CAMK2D: variants seen among roughly 807,000 people sequenced by gnomAD.
CAMK2D encodes the protein calcium/calmodulin dependent protein kinase II delta.
In CAMK2D, 37 loss-of-function variants were observed where a neutral mutation model predicts 84.0. The observed-to-expected ratio is 0.44, with a 90% CI of 0.34 to 0.58. CAMK2D has a LOEUF of 0.58. CAMK2D is among the 20% of genes least tolerant of loss of function. The probability of loss-of-function intolerance (pLI) is 0.02; values close to 1 mark genes in which losing one functional copy is unlikely to be tolerated. For missense variants in CAMK2D, 448 were observed against 652.5 expected, an observed-to-expected ratio of 0.69 and a Z score of 3.41; for synonymous variants, 202 against 212.5, an observed-to-expected ratio of 0.95 and a Z score of 0.43.
chr4:113,550,332 C>T (rs2098616575), intron 5 of CAMK2D, among the ~76,000 whole-genome samples: 1 of 152,110 alleles, frequency 6.6e-6, no homozygotes, highest in African/African-American at 2.4e-5. Context: ...GCTGCCACAC[C>T]TGGCTAAGTT....
intron 8 of CAMK2D, among the ~76,000 whole-genome samples, chr4:113,521,266 C>T (rs1413168744): frequency 6.6e-6 from 1 of 152,128 alleles, no homozygotes; most frequent in African/African-American, 2.4e-5. Flanking sequence ...TGGATTTAAA[C>T]TTACTTGATG....
intron 16 of CAMK2D, among the ~76,000 whole-genome samples, chr4:113,480,615 C>T (rs190402368): frequency 5.3e-5 from 8 of 151,922 alleles, no homozygotes; most frequent in Admixed American, 4.6e-4. Flanking sequence ...CCAAGGTGGG[C>T]GGATCACTTG....
intron 13 of CAMK2D, among the ~76,000 whole-genome samples, chr4:113,506,053 C>A (rs888486806): frequency 6.6e-6 from 1 of 151,686 alleles, no homozygotes; most frequent in Non-Finnish European, 1.5e-5. Flanking sequence ...TTATTATTTT[C>A]TAAAGGAATA....
chr4:113,626,543 G>A (rs1432438594), intron 3 of CAMK2D, among the ~76,000 whole-genome samples: 1 of 152,138 alleles, frequency 6.6e-6, no homozygotes, highest in African/African-American at 2.4e-5. Flanking sequence ...TTTCATACTA[G>A]GCAGTTATTT....
chr4:113,718,319 C>G (rs1005036404), intron 2 of CAMK2D, among the ~76,000 whole-genome samples: 11 of 152,058 alleles, frequency 7.2e-5, no homozygotes, highest in Admixed American at 3.9e-4. Flanking sequence ...GTGGGAAGTG[C>G]TGATTGGTCA....
intron 2 of CAMK2D, among the ~76,000 whole-genome samples, chr4:113,717,430 A>G (rs1333120797): frequency 6.6e-6 from 1 of 152,150 alleles, no homozygotes; most frequent in African/African-American, 2.4e-5. Flanking sequence ...CGTATAATCA[A>G]CTTTTATAGA....
At chr4:113,513,391 C>G (rs2098243833) in intron 11 of CAMK2D, 21 bp from the exon 12 acceptor site, 1 of 1,552,230 alleles carries the variant, frequency 6.4e-7, no homozygotes, top group South Asian at 1.1e-5. Context: ...AATTAGAACA[C>G]AAAAGTCAGT....
chr4:113,474,917 G>A (rs1484709125), intron 16 of CAMK2D, among the ~76,000 whole-genome samples: 1 of 152,178 alleles, frequency 6.6e-6, no homozygotes, highest in East Asian at 1.9e-4. Context: ...AAAGTGCTGG[G>A]ATTACAGGCG....
intron 16 of CAMK2D, among the ~76,000 whole-genome samples, chr4:113,476,367 G>C (rs894353190): frequency 1.3e-5 from 2 of 152,120 alleles, no homozygotes; most frequent in Non-Finnish European, 2.9e-5. Context: ...TAGTGATGCT[G>C]AAACTGCATT....
At chr4:113,470,045 T>C (rs1422376778) in intron 16 of CAMK2D, among the ~76,000 whole-genome samples, 1 of 152,066 alleles carries the variant, frequency 6.6e-6, no homozygotes, top group Non-Finnish European at 1.5e-5. Flanking sequence ...TGCCTATCTC[T>C]TCAGATAACC....
chr4:113,752,924 G>GATAA (rs2099620641), intron 2 of CAMK2D, among the ~76,000 whole-genome samples: 1 of 152,124 alleles, frequency 6.6e-6, no homozygotes, highest in African/African-American at 2.4e-5. Context: ...GCAATGGGAA[G>GATAA]ATAAAATGTA....
At chr4:113,505,499 A>G (rs1379477839) in intron 13 of CAMK2D, among the ~76,000 whole-genome samples, 2 of 152,214 alleles carry the variant, frequency 1.3e-5, no homozygotes, top group Admixed American at 6.5e-5. Context: ...TTTGCTTAGG[A>G]GCAATTAAAT....
At chr4:113,626,156 G>C (rs1237835025) in intron 3 of CAMK2D, among the ~76,000 whole-genome samples, 1 of 152,132 alleles carries the variant, frequency 6.6e-6, no homozygotes, top group African/African-American at 2.4e-5. Context: ...TGAGAGGAGA[G>C]GAGTAATGAA....
At chr4:113,713,102 T>A (rs1041204922) in intron 2 of CAMK2D, among the ~76,000 whole-genome samples, 8 of 152,022 alleles carry the variant, frequency 5.3e-5, no homozygotes, top group Admixed American at 5.3e-4. Context: ...TAACTGTATA[T>A]CACAGTTTAT....
chr4:113,503,423 A>C (rs2098084016), intron 14 of CAMK2D: 1 of 374,032 alleles, frequency 2.7e-6, no homozygotes, highest in Non-Finnish European at 5.3e-6. Context: ...TTGAAACTCG[A>C]TTATGGTGTC....
chr4:113,459,252 T>G (rs1205292230), intron 18 of CAMK2D, among the ~76,000 whole-genome samples: 1 of 152,188 alleles, frequency 6.6e-6, no homozygotes, highest in Non-Finnish European at 1.5e-5. Context: ...AGGGTCTCGT[T>G]CTGTCACCCA....
At chr4:113,737,579 G>A (rs1391489476) in intron 2 of CAMK2D, among the ~76,000 whole-genome samples, 3 of 152,092 alleles carry the variant, frequency 2.0e-5, no homozygotes, top group African/African-American at 2.4e-5. Flanking sequence ...GTTGTACGAC[G>A]ATGTGAATAT....
intron 4 of CAMK2D, among the ~76,000 whole-genome samples, chr4:113,579,898 C>T (rs1234417823): frequency 6.6e-6 from 1 of 152,154 alleles, no homozygotes; most frequent in Admixed American, 6.5e-5. Context: ...AGTCAGCTTT[C>T]CAAATACAGG....
chr4:113,605,334 A>T (rs2154263661), intron 4 of CAMK2D, among the ~76,000 whole-genome samples: 1 of 152,294 alleles, frequency 6.6e-6, no homozygotes, highest in East Asian at 1.9e-4. Flanking sequence ...TTTGAGTTTC[A>T]CTTCTTTTCT....
Sources: allele counts gnomAD v4.1 joint callset (sites outside exome capture counted in the v4.1 genomes callset), GRCh38; gene constraint gnomAD v4.1.1; transcripts MANE v1.5; gene names NCBI Gene and HGNC (gene_info 2026-07-23, HGNC 2026-07-21).